LRRIQ3: variants seen among roughly 807,000 people sequenced by gnomAD.
LRRIQ3 encodes leucine-rich repeat and IQ domain-containing protein 3.
Under a neutral mutation model 59.3 loss-of-function variants are expected in LRRIQ3, and 75 were observed. That is an observed-to-expected ratio of 1.26 (90% CI 1.05 to 1.53). LRRIQ3 has a LOEUF of 1.53. Among genes scored for constraint, LRRIQ3 ranks in the 40% most tolerant of loss-of-function variants. The probability of loss-of-function intolerance (pLI) is 0.00; values close to 1 mark genes in which losing one functional copy is unlikely to be tolerated. For missense variants in LRRIQ3, 831 were observed against 710.0 expected (o/e 1.17, Z -1.94); for synonymous variants, 250 against 231.3 (o/e 1.08, Z -0.73).
chr1:74,105,555 T>C (rs1261765576), intron 5 of LRRIQ3, among the ~76,000 whole-genome samples: 1 of 151,942 alleles, frequency 6.6e-6, no homozygotes, highest in African/African-American at 2.4e-5. Flanking sequence ...GGCTGGCCTA[T>C]GTGGTATAAT....
At chr1:74,110,038 G>A (rs1439458543) in intron 4 of LRRIQ3, among the ~76,000 whole-genome samples, 2 of 151,526 alleles carry the variant, frequency 1.3e-5, no homozygotes, top group Non-Finnish European at 3.0e-5. Flanking sequence ...ATAATTTTAA[G>A]TTTTTGATTA....
At chr1:74,177,544 G>A (rs111881917) in intron 3 of LRRIQ3, among the ~76,000 whole-genome samples, 231 of 152,024 alleles carry the variant, frequency 1.5e-3, no homozygotes, top group African/African-American at 3.8e-3. Context: ...CATTCCTTGC[G>A]TTTCAACTGT....
chr1:74,113,368 T>C lies in LRRIQ3; in HGVS notation c.708-3815A>G, dbSNP rs1557621575. Among the ~76,000 whole-genome samples, 3 of 152,088 alleles carry C rather than the reference T, an allele frequency of 2.0e-5. No homozygotes were observed. In the East Asian group the frequency reaches 5.8e-4, roughly 29 times the overall value. Reference sequence around the variant, plus strand: ...AGAAAAAGGCAGAAAATAAATATTATAATAATGGCTAAAAATTCTAAAACT... The same window carrying C: ...AGAAAAAGGCAGAAAATAAATATTACAATAATGGCTAAAAATTCTAAAACT... On this transcript the variant is annotated intron_variant, in intron 4 of 7. Coordinates refer to ENST00000354431, the MANE Select transcript of LRRIQ3 (RefSeq NM_001105659.2).
At chr1:74,127,506 T>C (rs914543049) in intron 4 of LRRIQ3, among the ~76,000 whole-genome samples, 3 of 151,944 alleles carry the variant, frequency 2.0e-5, no homozygotes, top group African/African-American at 7.2e-5. Context: ...TATTTGAAGA[T>C]ACCATGACCC....
intron 5 of LRRIQ3, among the ~76,000 whole-genome samples, chr1:74,079,307 A>T (rs1646245773): frequency 6.6e-6 from 1 of 151,670 alleles, no homozygotes; most frequent in African/African-American, 2.4e-5. Flanking sequence ...GCTATACTAG[A>T]TTTAATGCAG....
At chr1:74,191,151 C>T (rs537393330) in intron 1 of LRRIQ3, among the ~76,000 whole-genome samples, 7 of 152,132 alleles carry the variant, frequency 4.6e-5, no homozygotes, top group Admixed American at 2.0e-4. Flanking sequence ...ATTAACAATT[C>T]GAGATAAAAT....
rs761276681 is a variant in LRRIQ3 at position 74,109,528 on chromosome 1, GT to G, written c.732del (p.Lys244AsnfsTer17). On this transcript the variant is annotated frameshift_variant, in exon 5 of 8. Transcript: ENST00000354431. LOFTEE classifies it high-confidence loss of function. ...TATCCTCTAATAATTTTTTCCTGCTGTTTTTTTTTGTGGAAAAACACAGGGC... is the reference window on the plus strand; with the variant it reads ...TATCCTCTAATAATTTTTTCCTGCTGTTTTTTTTGTGGAAAAACACAGGGC... ...NLSPVFFHKK[K>X]QQEKIIRGYE... 112 of 1,287,816 alleles carry G rather than the reference GT, an allele frequency of 8.7e-5. No individual in the cohort carries two copies. The East Asian group carries it at 1.2e-3, about 14-fold the overall frequency. 79.8% of individuals were successfully genotyped at this position (1,287,816 alleles called of 1,614,324 possible).
At chr1:74,065,853 G>A (rs1357297700) in intron 6 of LRRIQ3, among the ~76,000 whole-genome samples, 4 of 152,030 alleles carry the variant, frequency 2.6e-5, no homozygotes, top group Non-Finnish European at 5.9e-5. Flanking sequence ...GGTTAACGTT[G>A]AAGCATTTAT....
intron 3 of LRRIQ3, among the ~76,000 whole-genome samples, chr1:74,170,449 AC>A (rs1649255220): frequency 6.6e-6 from 1 of 152,034 alleles, no homozygotes; most frequent in African/African-American, 2.4e-5. Context: ...TATTCTTGGC[AC>A]CCTTGCTGAA....
intron 3 of LRRIQ3, among the ~76,000 whole-genome samples, chr1:74,173,965 G>A (rs1192992810): frequency 1.3e-5 from 2 of 151,862 alleles, no homozygotes; most frequent in African/African-American, 4.8e-5. Context: ...TTTTCTTCCA[G>A]CCCACAAGGT....
At chr1:74,131,988 A>C (rs1329198512) in intron 4 of LRRIQ3, among the ~76,000 whole-genome samples, 2 of 152,166 alleles carry the variant, frequency 1.3e-5, no homozygotes, top group African/African-American at 2.4e-5. Flanking sequence ...CCATTGTCTC[A>C]GCACAAAATC....
At chr1:74,087,771 C>T (rs578149898) in intron 5 of LRRIQ3, among the ~76,000 whole-genome samples, 136 of 151,870 alleles carry the variant, frequency 9.0e-4, no homozygotes, top group African/African-American at 2.9e-3. Context: ...ACTGTGTGGC[C>T]GAACAGTGGG....
chr1:74,082,772 C>G (rs550775050), intron 5 of LRRIQ3: 43 of 151,452 alleles, frequency 2.8e-4, no homozygotes, highest in African/African-American at 1.0e-3. Flanking sequence ...AATTATATCT[C>G]TAAAGTAAGG....
chr1:74,061,381 A>G (rs1419898905), intron 6 of LRRIQ3, among the ~76,000 whole-genome samples: 1 of 152,176 alleles, frequency 6.6e-6, no homozygotes, highest in Non-Finnish European at 1.5e-5. Context: ...CAAAGTACTT[A>G]ACAGATTCAA....
At chr1:74,100,498 A>T (rs1440783063) in intron 5 of LRRIQ3, among the ~76,000 whole-genome samples, 1 of 152,192 alleles carries the variant, frequency 6.6e-6, no homozygotes, top group Admixed American at 6.5e-5. Flanking sequence ...TAATTTATAG[A>T]TTCAATGCCA....
chr1:74,196,774 CA>C (rs1332793128), intron 1 of LRRIQ3, among the ~76,000 whole-genome samples: 1 of 152,182 alleles, frequency 6.6e-6, no homozygotes, highest in Non-Finnish European at 1.5e-5. Flanking sequence ...TCACCATTCC[CA>C]CTGCTACCAT....
chr1:74,093,346 A>C (rs1326752358), intron 5 of LRRIQ3, among the ~76,000 whole-genome samples: 1 of 152,120 alleles, frequency 6.6e-6, no homozygotes, highest in Non-Finnish European at 1.5e-5. Flanking sequence ...CTATTTCAAA[A>C]GAAGAGAGTG....
intron 4 of LRRIQ3, among the ~76,000 whole-genome samples, chr1:74,117,754 A>G (rs2100579014): frequency 6.6e-6 from 1 of 152,250 alleles, no homozygotes. Context: ...TGACAGAGCA[A>G]GTTTGTCTCA....
At chr1:74,141,658 C>T (rs543211615) in intron 4 of LRRIQ3, among the ~76,000 whole-genome samples, 2 of 151,708 alleles carry the variant, frequency 1.3e-5, no homozygotes, top group Non-Finnish European at 2.9e-5. Context: ...GTATTAGATA[C>T]GTATTTTGTT....
Sources: allele counts gnomAD v4.1 joint callset (sites outside exome capture counted in the v4.1 genomes callset), GRCh38; gene constraint gnomAD v4.1.1; transcripts MANE v1.5; gene names NCBI Gene and HGNC (gene_info 2026-07-23, HGNC 2026-07-21).